GRB2: variants seen among roughly 807,000 people sequenced by gnomAD.
GRB2 encodes growth factor receptor bound protein 2, also known as growth factor receptor-bound protein 2.
In GRB2, 2 loss-of-function variants were observed where a neutral mutation model predicts 27.4. The ratio of observed to expected loss-of-function variants is 0.07; its 90% CI spans 0.03 to 0.23. GRB2 has a LOEUF of 0.23. Ranked by LOEUF, GRB2 falls within the 10% of genes least tolerant of loss-of-function variation. The probability of loss-of-function intolerance (pLI) is 1.00; values close to 1 mark genes in which losing one functional copy is unlikely to be tolerated. For synonymous variants in GRB2, 94 were observed against 99.6 expected (o/e 0.94, Z 0.33); for missense variants, 102 against 282.4 (o/e 0.36, Z 4.58).
At chr17:75,340,045 T>C (rs1462895805) in intron 2 of GRB2, among the ~76,000 whole-genome samples, 10 of 152,232 alleles carry the variant, frequency 6.6e-5, no homozygotes, top group Middle Eastern at 3.2e-3. Context: ...GGCCTGAACA[T>C]ATTCAGTCAT....
At chr17:75,338,053 TC>T (rs1316796460) in intron 2 of GRB2, among the ~76,000 whole-genome samples, 15 of 35,216 alleles carry the variant, frequency 4.3e-4, no homozygotes, top group Non-Finnish European at 3.9e-3. Flanking sequence ...CCTCAGCCTC[TC>T]GAGTAGCTGG....
At chr17:75,335,125 G>C (rs1380945424) in intron 2 of GRB2, among the ~76,000 whole-genome samples, 1 of 152,040 alleles carries the variant, frequency 6.6e-6, no homozygotes, top group African/African-American at 2.4e-5. Flanking sequence ...TTTATATGTT[G>C]GATTGCAACT....
At chr17:75,362,719 T>C (rs1415750213) in intron 2 of GRB2, among the ~76,000 whole-genome samples, 1 of 152,210 alleles carries the variant, frequency 6.6e-6, no homozygotes, top group East Asian at 1.9e-4. Flanking sequence ...ACCCACAATA[T>C]CATGCTTTTG....
intron 2 of GRB2, among the ~76,000 whole-genome samples, chr17:75,382,115 T>C (rs546414454): frequency 7.2e-5 from 11 of 151,832 alleles, no homozygotes; most frequent in African/African-American, 2.7e-4. Context: ...CCCAGCTATT[T>C]GGAAGGCTGA....
At chr17:75,335,161 T>C (rs1010192865) in intron 2 of GRB2, among the ~76,000 whole-genome samples, 30 of 152,140 alleles carry the variant, frequency 2.0e-4, no homozygotes, top group African/African-American at 7.2e-4. Context: ...GGGACTAGTA[T>C]ATACGGAGCA....
chr17:75,403,148 C>CAAA (rs11422812), intron 1 of GRB2, among the ~76,000 whole-genome samples: 1 of 136,778 alleles, frequency 7.3e-6, no homozygotes, highest in Non-Finnish European at 1.5e-5. Flanking sequence ...CAACTTTGAC[C>CAAA]AAAAAAAATA....
At chr17:75,333,784 A>G (rs1245763814) in intron 2 of GRB2, among the ~76,000 whole-genome samples, 1 of 152,236 alleles carries the variant, frequency 6.6e-6, no homozygotes, top group African/African-American at 2.4e-5. Context: ...TAGTGCTGAA[A>G]GCATATCAAC....
At chr17:75,363,373 T>C (rs1029828162) in intron 2 of GRB2, among the ~76,000 whole-genome samples, 4 of 152,174 alleles carry the variant, frequency 2.6e-5, no homozygotes, top group Non-Finnish European at 5.9e-5. Flanking sequence ...GCTTCTAAAC[T>C]TTCTCCATGG....
intron 4 of GRB2, among the ~76,000 whole-genome samples, chr17:75,324,130 T>C (rs2078479573): frequency 6.6e-6 from 1 of 151,528 alleles, no homozygotes. Context: ...ATTTAAAATC[T>C]ACGTTTCAAA....
At chr17:75,395,386 T>TA (rs1432969157) in intron 1 of GRB2, among the ~76,000 whole-genome samples, 2 of 152,152 alleles carry the variant, frequency 1.3e-5, no homozygotes, top group Admixed American at 1.3e-4. Context: ...CAGCAAATAT[T>TA]AAAAAATACA....
chr17:75,388,073 A>C (rs2078975943), intron 2 of GRB2, among the ~76,000 whole-genome samples: 1 of 152,156 alleles, frequency 6.6e-6, no homozygotes, highest in African/African-American at 2.4e-5. Flanking sequence ...AAGAGCACTC[A>C]AACAACAAAC....
At chr17:75,399,453 T>C (rs1219270308) in intron 1 of GRB2, among the ~76,000 whole-genome samples, 8 of 142,434 alleles carry the variant, frequency 5.6e-5, no homozygotes, top group African/African-American at 2.1e-4. Context: ...CCACAACCTC[T>C]GTCTCCTGGA....
At chr17:75,347,242 A>C (rs2078661302) in intron 2 of GRB2, among the ~76,000 whole-genome samples, 1 of 152,068 alleles carries the variant, frequency 6.6e-6, no homozygotes, top group South Asian at 2.1e-4. Context: ...GTGAAACCCC[A>C]CCTCTAAGCC....
intron 4 of GRB2, 49 bp downstream of exon 4, chr17:75,325,848 TG>T: frequency 6.2e-7 from 1 of 1,603,260 alleles, no homozygotes; most frequent in Non-Finnish European, 8.5e-7. Context: ...CTTCACAATT[TG>T]GATCAGTCAG....
chr17:75,392,388 A>G (rs2079003984), intron 2 of GRB2, among the ~76,000 whole-genome samples: 1 of 152,244 alleles, frequency 6.6e-6, no homozygotes. Flanking sequence ...GGCTCAACCT[A>G]CATTTCTAAC....
At chr17:75,360,843 G>A (rs1052577984) in intron 2 of GRB2, among the ~76,000 whole-genome samples, 3 of 152,180 alleles carry the variant, frequency 2.0e-5, no homozygotes, top group Admixed American at 2.0e-4. Context: ...CTGGAGTGCA[G>A]TGGCGTGAAC....
chr17:75,350,694 G>A lies in GRB2; in HGVS notation c.79-17897C>T, dbSNP rs35879369. On this transcript the variant is annotated intron_variant, in intron 2 of 5. Coordinates refer to ENST00000316804, the MANE Select transcript of GRB2 (RefSeq NM_002086.5). ...TTTTCAGTAGAGACAGGGTTTCACC[G>A]TGTTAGCCAGGATGGTCTCGATCTC... 8.4e-3 allele frequency among the ~76,000 whole-genome samples: 1,278 copies of A among 152,136 alleles called. 18 individuals are homozygous for A. The highest frequency in any genetic ancestry group is 0.023 in the African/African-American group (972 of 41,508).
chr17:75,385,394 G>A (rs1385867939), intron 2 of GRB2, among the ~76,000 whole-genome samples: 1 of 152,030 alleles, frequency 6.6e-6, no homozygotes, highest in East Asian at 1.9e-4. Context: ...AAAATTAGCT[G>A]GGCATGGTGG....
At chr17:75,344,785 A>G (rs932108507) in intron 2 of GRB2, among the ~76,000 whole-genome samples, 1 of 151,968 alleles carries the variant, frequency 6.6e-6, no homozygotes, top group Non-Finnish European at 1.5e-5. Flanking sequence ...TTAATCTTAC[A>G]TGAAATCCTA....
Sources: gnomAD v4.1 joint callset for allele counts (sites outside exome capture counted in the v4.1 genomes callset) on GRCh38, gnomAD v4.1.1 for gene constraint, MANE v1.5 for transcripts, NCBI Gene and HGNC (gene_info 2026-07-23, HGNC 2026-07-21) for gene names.